POLN: variants seen among roughly 807,000 people sequenced by gnomAD.
POLN encodes the protein DNA polymerase N.
POLN carries 108 observed loss-of-function variants against 113.5 expected under a neutral mutation model. The ratio of observed to expected loss-of-function variants is 0.95; its 90% CI spans 0.81 to 1.12. The LOEUF (loss-of-function observed/expected upper bound fraction) is 1.12. POLN is among the 50% of genes most tolerant of loss of function. The pLI is 0.00. For synonymous variants in POLN, 386 were observed against 391.5 expected, an observed-to-expected ratio of 0.99 and a Z score of 0.17; for missense variants, 1,097 against 1,077.1, an observed-to-expected ratio of 1.02 and a Z score of -0.26.
At chr4:2,124,432 C>T (rs990805016) in intron 19 of POLN, among the ~76,000 whole-genome samples, 1 of 151,986 alleles carries the variant, frequency 6.6e-6, no homozygotes, top group East Asian at 1.9e-4. Flanking sequence ...CCACCTCATC[C>T]GGCTAATTTA....
chr4:2,144,451 A>G (rs967443115), intron 16 of POLN, among the ~76,000 whole-genome samples: 10 of 152,138 alleles, frequency 6.6e-5, no homozygotes, highest in Non-Finnish European at 1.0e-4. Context: ...TCCTAAAAAT[A>G]TTCTTAAGAA....
At chr4:2,177,325 T>C (rs1480537496) in intron 8 of POLN, 1 of 478,304 alleles carries the variant, frequency 2.1e-6, no homozygotes, top group East Asian at 6.1e-5. Context: ...CTGTCCTCCA[T>C]AGAGGCACCA....
In POLN at chr4:2,241,711, C is replaced by A; in HGVS notation, c.-204G>T. The stretch of plus-strand genomic sequence containing the variant: ...AGCGGCAAGCCCCAGGGATCCGCGG[C>A]CCCAAGGCCGCGATACACCAGACGC... On this transcript the variant is annotated 5_prime_UTR_variant, in exon 2 of 26. Transcript: ENST00000511885. 1 of 985,492 alleles carries A rather than the reference C, an allele frequency of 1.0e-6. No individual in the cohort carries two copies. The allele number at this position is 985,492 out of a possible 1,614,324, so 61.0% of individuals were successfully genotyped here. A position where few individuals can be genotyped will look rare whatever the true frequency, so the allele number is the denominator to read the frequency against.
chr4:2,090,859 G>C (rs569714118), intron 20 of POLN, among the ~76,000 whole-genome samples: 6 of 152,338 alleles, frequency 3.9e-5, no homozygotes, highest in Non-Finnish European at 8.8e-5. Context: ...CCAAGGATCT[G>C]AGCAGAGTTC....
chr4:2,210,459 C>T (rs928596734), intron 4 of POLN, among the ~76,000 whole-genome samples: 8 of 151,108 alleles, frequency 5.3e-5, no homozygotes, highest in Non-Finnish European at 7.4e-5. Context: ...CATGTGCCTA[C>T]GGTCCCAGCT....
chr4:2,101,348 C>T (rs770710440), intron 19 of POLN, among the ~76,000 whole-genome samples: 2 of 152,074 alleles, frequency 1.3e-5, no homozygotes, highest in Non-Finnish European at 2.9e-5. Flanking sequence ...GACAATCACA[C>T]TTTGAATACA....
intron 2 of POLN, chr4:2,236,595 A>C (rs905418994): frequency 1.7e-5 from 11 of 641,566 alleles, no homozygotes; most frequent in Non-Finnish European, 3.0e-5. Flanking sequence ...ACAGTAGCTC[A>C]CGCCTGTAAT....
intron 2 of POLN, chr4:2,240,344 T>C (rs1160778411): frequency 6.2e-7 from 1 of 1,601,902 alleles, no homozygotes; most frequent in South Asian, 1.1e-5. Flanking sequence ...TTAGGTATTT[T>C]TCCAAGGAAA....
rs1732846128 is a variant in POLN, at chr4:2,170,954, A to G, written c.1458+144T>C. 4 of 856,316 alleles carry G rather than the reference A, an allele frequency of 4.7e-6. No individual in the cohort carries two copies. The South Asian group carries it at 6.9e-5, about 15-fold the overall frequency. 53.0% of individuals were successfully genotyped at this position (856,316 alleles called of 1,614,324 possible). A position where few individuals can be genotyped will look rare whatever the true frequency, so the allele number is the denominator to read the frequency against. On this transcript the variant is annotated intron_variant, in intron 12 of 25. Transcript: ENST00000511885. Reference sequence around the variant, plus strand: ...AAAGGCTTTGAAGTAATGAATCTCAATGTGTTCATTACTTGTGAGAGAACA... The same window carrying G: ...AAAGGCTTTGAAGTAATGAATCTCAGTGTGTTCATTACTTGTGAGAGAACA...
intron 10 of POLN, among the ~76,000 whole-genome samples, 178 bp from the exon 11 acceptor site, chr4:2,174,197 T>C (rs915955374): frequency 2.0e-5 from 3 of 152,200 alleles, no homozygotes; most frequent in Admixed American, 6.5e-5. Flanking sequence ...TACAGGCAAA[T>C]GGGCGCATTG....
intron 16 of POLN, among the ~76,000 whole-genome samples, chr4:2,138,670 G>A (rs1291439630): frequency 1.3e-5 from 2 of 152,158 alleles, no homozygotes; most frequent in East Asian, 3.9e-4. Flanking sequence ...GAGAGGTTGA[G>A]GTGGGCGGAT....
chr4:2,152,533 G>A (rs1732321606), intron 16 of POLN, among the ~76,000 whole-genome samples: 1 of 151,252 alleles, frequency 6.6e-6, no homozygotes, highest in African/African-American at 2.4e-5. Flanking sequence ...GTCTTGCTAT[G>A]CTGCCCAGGC....
chr4:2,209,236 C>T (rs928148596), intron 4 of POLN, among the ~76,000 whole-genome samples: 1 of 151,896 alleles, frequency 6.6e-6, no homozygotes, highest in Non-Finnish European at 1.5e-5. Flanking sequence ...AATCCCAATA[C>T]TTTGGGAGGC....
intron 16 of POLN, among the ~76,000 whole-genome samples, chr4:2,143,704 G>C (rs940102295): frequency 1.3e-5 from 2 of 152,050 alleles, no homozygotes; most frequent in African/African-American, 4.8e-5. Context: ...GAAACTAGTA[G>C]TACCCTGAAA....
At chr4:2,096,698 G>C (rs964080296) in intron 19 of POLN, among the ~76,000 whole-genome samples, 1 of 138,862 alleles carries the variant, frequency 7.2e-6, no homozygotes, top group Admixed American at 6.9e-5. Context: ...GAGAGAGAGA[G>C]AGAGAGAGAG....
In POLN at chr4:2,241,049, C is replaced by T; in HGVS notation, c.-13+471G>A. On this transcript the variant is annotated intron_variant, in intron 2 of 25. Transcript: ENST00000511885. Reference sequence around the variant, plus strand: ...AAAAAGCTACGTTTTATACCAAGTCCACAGAGAAGGGAAAATATATTTTTA... The same window carrying T: ...AAAAAGCTACGTTTTATACCAAGTCTACAGAGAAGGGAAAATATATTTTTA... 6.2e-6 allele frequency: 5 copies of T among 812,338 alleles called. No homozygotes were observed. In the South Asian group the frequency reaches 6.7e-5, roughly 11 times the overall value. The allele number at this position is 812,338 out of a possible 1,614,324, so 50.3% of individuals were successfully genotyped here.
In POLN at chr4:2,126,713, C is replaced by G. The variant is rs1210212255; in HGVS notation, c.1982+1400G>C. 6.6e-6 allele frequency among the ~76,000 whole-genome samples: 1 copy of G among 151,978 alleles called. No individual in the cohort carries two copies. Among genetic ancestry groups the G allele is most frequent in the Non-Finnish European group, 1.5e-5 (1 of 67,988 alleles). Reference sequence around the variant, plus strand: ...CCTGAGGAGACGCCGGGAGGGCCCACTTGGATGAGGTAGGGGAGGGAGACA... The same window carrying G: ...CCTGAGGAGACGCCGGGAGGGCCCAGTTGGATGAGGTAGGGGAGGGAGACA... On this transcript the variant is annotated intron_variant, in intron 19 of 25. Coordinates refer to ENST00000511885, the MANE Select transcript of POLN (RefSeq NM_181808.4). The surrounding 1 kb of genome is among the most constrained non-coding windows in gnomAD (Gnocchi z 4.6).
Position 2,157,907 on chromosome 4 carries a change from T to C in POLN, c.1616A>G (p.His539Arg), listed in dbSNP as rs752219506. The change falls in exon 15 of 26, where the codon CAC becomes CGC. Residue 539 changes from histidine (H) to arginine (R), a missense_variant. Physicochemically the swap from His to Arg is conservative, Grantham distance 29 (BLOSUM62 0). Coordinates refer to ENST00000511885, the MANE Select transcript of POLN (RefSeq NM_181808.4). ...PKIILEYRQV[H>R]KIKSTFVDGL... The stretch of plus-strand genomic sequence containing the variant: ...ATCTACAAAGGTTGACTTGATCTTG[T>C]GAACCTAAGGTGGAAAGACAAGAAT... 2 of 1,605,218 alleles carry C rather than the reference T, an allele frequency of 1.2e-6. No homozygotes were observed. The highest frequency in any genetic ancestry group is 2.2e-5 in the South Asian group (2 of 90,382).
intron 7 of POLN, among the ~76,000 whole-genome samples, chr4:2,186,805 C>T (rs1160934134): frequency 6.6e-6 from 1 of 152,172 alleles, no homozygotes; most frequent in Non-Finnish European, 1.5e-5. Context: ...AGGATGGCGA[C>T]AGTGAAGCTC....
Sources: gnomAD v4.1 joint callset for allele counts (sites outside exome capture counted in the v4.1 genomes callset) on GRCh38, gnomAD v4.1.1 for gene constraint, Gnocchi (gnomAD v3.1) non-coding constraint, MANE v1.5 for transcripts, NCBI Gene and HGNC (gene_info 2026-07-23, HGNC 2026-07-21) for gene names.